Variants in RB1CC1 observed in about 807,000 individuals in gnomAD.
RB1CC1 encodes RB1 inducible coiled-coil 1.
A neutral mutation model predicts 177.5 loss-of-function variants in RB1CC1; 46 were observed. The ratio of observed to expected loss-of-function variants is 0.26; its 90% CI spans 0.20 to 0.33. The LOEUF (loss-of-function observed/expected upper bound fraction) is 0.33, where lower values mean the gene tolerates loss of function less well. Ranked by LOEUF, RB1CC1 falls within the 10% of genes least tolerant of loss-of-function variation. The pLI is 1.00. For missense variants in RB1CC1, 1,703 were observed against 1,816.3 expected, an observed-to-expected ratio of 0.94 and a Z score of 1.13; for synonymous variants, 666 against 613.6, an observed-to-expected ratio of 1.09 and a Z score of -1.26.
intron 8 of RB1CC1, among the ~76,000 whole-genome samples, chr8:52,667,640 T>C (rs1467237199): frequency 6.6e-6 from 1 of 152,218 alleles, no homozygotes; most frequent in African/African-American, 2.4e-5. Flanking sequence ...GGTATTACTA[T>C]TAGAAGTATT....
chr8:52,663,237 GGAA>G (rs1851780961), intron 8 of RB1CC1, among the ~76,000 whole-genome samples: 1 of 152,032 alleles, frequency 6.6e-6, no homozygotes, highest in South Asian at 2.1e-4. Flanking sequence ...ATTTGGTTCA[GGAA>G]GAAAACTCCC....
chr8:52,656,332 A>C lies in RB1CC1; in HGVS notation c.3497T>G (p.Phe1166Cys). The C allele has an allele frequency of 6.2e-7, 1 of 1,612,590 alleles. No individual in the cohort carries two copies. The highest frequency in any genetic ancestry group is 8.5e-7 in the Non-Finnish European group (1 of 1,179,656). Residue 1166 changes from phenylalanine to cysteine, a missense_variant, in exon 15 of 24, where the codon TTT (phenylalanine) becomes TGT (cysteine). Physicochemically the swap from Phe to Cys is radical, Grantham distance 205. Transcript: ENST00000025008. The stretch of plus-strand genomic sequence containing the variant: ...TTCTTTTAGGTTTTTTTCTATTTCA[A>C]ATGCTTGGTTATGCAAAGATGTTAC... ...NKVTSLHNQA[F>C]EIEKNLKEQI...
intron 7 of RB1CC1, 54 bp downstream of exon 7, chr8:52,673,787 GGATA>G: frequency 4.9e-6 from 7 of 1,414,350 alleles, no homozygotes; most frequent in Admixed American, 2.4e-5. Flanking sequence ...AAAATATTTA[GGATA>G]AATAATATAA....
chr8:52,658,765 T>C (rs1370860523), intron 13 of RB1CC1, 108 bp downstream of exon 13: 13 of 657,282 alleles, frequency 2.0e-5, no homozygotes, highest in Non-Finnish European at 3.1e-5. Context: ...ATCTTAAATA[T>C]TTCTTATCTT....
At chr8:52,670,600 G>A (rs1399857072) in intron 7 of RB1CC1, among the ~76,000 whole-genome samples, 1 of 152,230 alleles carries the variant, frequency 6.6e-6, no homozygotes, top group Non-Finnish European at 1.5e-5. Flanking sequence ...GGACAGTTTA[G>A]AAATGTGCTA....
chr8:52,655,583 T>C (rs1851019984), intron 15 of RB1CC1, among the ~76,000 whole-genome samples: 1 of 152,124 alleles, frequency 6.6e-6, no homozygotes. Context: ...CATGTTCCTA[T>C]GATTTAGCCT....
intron 1 of RB1CC1, among the ~76,000 whole-genome samples, chr8:52,696,012 T>C (rs566266775): frequency 1.3e-5 from 2 of 152,292 alleles, no homozygotes; most frequent in East Asian, 3.9e-4. Context: ...CTTCTAACTG[T>C]AGAGTTGGCT....
intron 1 of RB1CC1, among the ~76,000 whole-genome samples, chr8:52,707,418 CTT>C (rs1396444321): frequency 7.1e-6 from 1 of 141,278 alleles, no homozygotes; most frequent in African/African-American, 2.6e-5. Context: ...TTTTTCTTTT[CTT>C]TTTCTTTCTT....
Position 52,686,969 on chromosome 8 carries a change from T to C in RB1CC1, c.-166-2A>G. Reference sequence around the variant, plus strand: ...GCATTACTGGTTAAACTCAGAAAACTGGAAAAGAAAAATTTCTGGTTATAA... The same window carrying C: ...GCATTACTGGTTAAACTCAGAAAACCGGAAAAGAAAAATTTCTGGTTATAA... On this transcript the variant is annotated splice_acceptor_variant, in intron 1 of 23. Transcript: ENST00000025008. LOFTEE classifies it low-confidence loss of function (5UTR_SPLICE). 2 of 456,132 alleles carry C rather than the reference T, an allele frequency of 4.4e-6. No individual in the cohort carries two copies. The highest frequency in any genetic ancestry group is 4.7e-5 in the Admixed American group (2 of 42,412). The allele number at this position is 456,132 out of a possible 1,614,324, so 28.3% of individuals were successfully genotyped here. A position where few individuals can be genotyped will look rare whatever the true frequency, so the allele number is the denominator to read the frequency against.
intron 12 of RB1CC1, among the ~76,000 whole-genome samples, chr8:52,659,302 A>C (rs958759043): frequency 1.3e-5 from 2 of 152,108 alleles, no homozygotes; most frequent in Admixed American, 6.5e-5. Flanking sequence ...ACACATATGT[A>C]AGTGTGTGCG....
chr8:52,641,109 C>A (rs1219614977), intron 18 of RB1CC1, among the ~76,000 whole-genome samples: 1 of 152,068 alleles, frequency 6.6e-6, no homozygotes, highest in Admixed American at 6.6e-5. Context: ...CCTGGCCGGG[C>A]GCGATGACTC....
rs899138102 is a variant in RB1CC1, at chr8:52,639,221, C to T, written c.4337+3130G>A. On this transcript the variant is annotated intron_variant, in intron 18 of 23. Transcript: ENST00000025008. ...TATCTTTCCACGTACAGCTTTCAGGCCTCTTCATAAAATTAGTTTTCTTCA... is the reference window on the plus strand; with the variant it reads ...TATCTTTCCACGTACAGCTTTCAGGTCTCTTCATAAAATTAGTTTTCTTCA... Among the ~76,000 whole-genome samples, 3 of 152,026 alleles carry T rather than the reference C, an allele frequency of 2.0e-5. No individual in the cohort carries two copies. In the South Asian group the frequency reaches 6.2e-4, roughly 32 times the overall value.
intron 1 of RB1CC1, among the ~76,000 whole-genome samples, chr8:52,709,749 A>G (rs925899566): frequency 3.3e-5 from 5 of 152,236 alleles, no homozygotes; most frequent in Admixed American, 1.3e-4. Flanking sequence ...TTAAAAAACA[A>G]AAACAAACAA....
chr8:52,661,751 A>G (rs1046914390), intron 8 of RB1CC1, 32 bp from the exon 9 acceptor site: 2 of 1,481,722 alleles, frequency 1.3e-6, no homozygotes, highest in African/African-American at 1.4e-5. Context: ...AAAGGACATT[A>G]ATTTTGTTTC....
At chr8:52,631,732 CA>C (rs1848774987) in intron 20 of RB1CC1, among the ~76,000 whole-genome samples, 1 of 152,210 alleles carries the variant, frequency 6.6e-6, no homozygotes, top group Non-Finnish European at 1.5e-5. Flanking sequence ...AAATTCACCA[CA>C]GCGTGCTCAG....
intron 8 of RB1CC1, among the ~76,000 whole-genome samples, chr8:52,667,292 TA>T (rs754001920): frequency 6.6e-6 from 1 of 151,880 alleles, no homozygotes; most frequent in Non-Finnish European, 1.5e-5. Flanking sequence ...TGTTTTGCCT[TA>T]AAAAAAAGGA....
At chr8:52,642,041 T>C (rs976443103) in intron 18 of RB1CC1, among the ~76,000 whole-genome samples, 1 of 152,090 alleles carries the variant, frequency 6.6e-6, no homozygotes, top group Admixed American at 6.6e-5. Flanking sequence ...ATAACCCCTT[T>C]ATAGGTAATG....
intron 16 of RB1CC1, among the ~76,000 whole-genome samples, chr8:52,645,139 T>C (rs1849904581): frequency 6.6e-6 from 1 of 152,178 alleles, no homozygotes; most frequent in Non-Finnish European, 1.5e-5. Context: ...CCTCTTACTA[T>C]TGACCAACAA....
chr8:52,674,345 AATCAC>A, intron 6 of RB1CC1, 71 bp from the exon 7 acceptor site: 1 of 1,308,748 alleles, frequency 7.6e-7, no homozygotes, highest in East Asian at 2.3e-5. Context: ...GTTTGAATGA[AATCAC>A]ATATTATTAT....
Sources: gnomAD v4.1 joint callset for allele counts (sites outside exome capture counted in the v4.1 genomes callset) on GRCh38, gnomAD v4.1.1 for gene constraint, MANE v1.5 for transcripts, NCBI Gene and HGNC (gene_info 2026-07-23, HGNC 2026-07-21) for gene names.